Variants in SIK3 observed in about 807,000 individuals in gnomAD.
SIK3 encodes the protein SIK family kinase 3.
A neutral mutation model predicts 144.2 loss-of-function variants in SIK3; 28 were observed. That is an observed-to-expected ratio of 0.19 (90% CI 0.14 to 0.27). The LOEUF is 0.27. Among genes scored for constraint, SIK3 ranks in the 10% least tolerant of loss-of-function variants. The pLI is 1.00. For synonymous variants in SIK3, 686 were observed against 676.3 expected (o/e 1.01, Z -0.22); for missense variants, 1,319 against 1,776.0 (o/e 0.74, Z 4.62).
rs1337425706 is a variant in SIK3, at chr11:116,844,452, C to T, written c.*1191G>A. 6.6e-6 allele frequency: 1 copy of T among 150,474 alleles called. No individual in the cohort carries two copies. The highest frequency in any genetic ancestry group is 1.5e-5 in the Non-Finnish European group (1 of 67,718). The allele number at this position is 150,474 out of a possible 1,614,324, so 9.3% of individuals were successfully genotyped here. A position where few individuals can be genotyped will look rare whatever the true frequency, so the allele number is the denominator to read the frequency against. The stretch of plus-strand genomic sequence containing the variant: ...TATCAACATTTACCAAAAACAATTT[C>T]TACATGATCAAGAATTAAAATATAG... On this transcript the variant is annotated 3_prime_UTR_variant, in exon 25 of 25. Transcript: ENST00000445177.
chr11:117,020,954 C>T (rs1368938543), intron 1 of SIK3, among the ~76,000 whole-genome samples: 1 of 152,216 alleles, frequency 6.6e-6, no homozygotes, highest in African/African-American at 2.4e-5. Context: ...GTGACTGGCA[C>T]TGAAGACTGG....
At chr11:116,857,675 C>T in intron 21 of SIK3, 135 bp downstream of exon 21, 1 of 1,425,326 alleles carries the variant, frequency 7.0e-7, no homozygotes. Flanking sequence ...ACATGCTTCT[C>T]CCCAAGAAGG....
At chr11:116,989,440 G>C (rs73594118) in intron 1 of SIK3, among the ~76,000 whole-genome samples, 2,752 of 152,184 alleles carry the variant, frequency 0.018, 80 homozygotes, top group African/African-American at 0.062. Flanking sequence ...GCAAAATGTT[G>C]CTGGCTCAAC....
chr11:117,073,113 A>G (rs1033629424), intron 1 of SIK3, among the ~76,000 whole-genome samples: 1 of 152,242 alleles, frequency 6.6e-6, no homozygotes, highest in Non-Finnish European at 1.5e-5. Flanking sequence ...TAATCTCAAT[A>G]TAGAAGGACT....
chr11:117,071,173 T>C (rs1954260737), intron 1 of SIK3, among the ~76,000 whole-genome samples: 1 of 145,198 alleles, frequency 6.9e-6, no homozygotes, highest in Non-Finnish European at 1.5e-5. Context: ...TCAAAACCTT[T>C]GGGCTCAGTA....
chr11:116,954,525 G>A (rs1055412558), intron 2 of SIK3, among the ~76,000 whole-genome samples: 1 of 151,162 alleles, frequency 6.6e-6, no homozygotes, highest in African/African-American at 2.4e-5. Flanking sequence ...AAAATAATGG[G>A]AGTCACATAA....
intron 1 of SIK3, among the ~76,000 whole-genome samples, chr11:117,074,456 A>G (rs1311274476): frequency 6.6e-6 from 1 of 152,136 alleles, no homozygotes; most frequent in African/African-American, 2.4e-5. Flanking sequence ...GAAGTGATAA[A>G]ATGTTGTACT....
chr11:117,057,506 G>A (rs565459410), intron 1 of SIK3, among the ~76,000 whole-genome samples: 3 of 152,168 alleles, frequency 2.0e-5, no homozygotes, highest in Admixed American at 2.0e-4. Context: ...TCATTCAATA[G>A]GAACAAGTAC....
chr11:116,963,982 C>T (rs796447173), intron 1 of SIK3, among the ~76,000 whole-genome samples: 2 of 152,124 alleles, frequency 1.3e-5, no homozygotes, highest in Admixed American at 1.3e-4. Context: ...TAATAACGTG[C>T]CACATGACCA....
chr11:117,085,949 G>A (rs61903418), intron 1 of SIK3, among the ~76,000 whole-genome samples: 25,013 of 152,064 alleles, frequency 0.16, 2,191 homozygotes, highest in Admixed American at 0.21. Flanking sequence ...GCAAGACTCC[G>A]TCTACATAAA....
intron 1 of SIK3, among the ~76,000 whole-genome samples, chr11:117,045,674 G>A (rs574647530): frequency 1.3e-5 from 2 of 152,156 alleles, no homozygotes; most frequent in Non-Finnish European, 2.9e-5. Context: ...AAAGGGCAGT[G>A]GTGAGACCCA....
chr11:116,848,984 G>A lies in SIK3; in HGVS notation c.3819+136C>T. On this transcript the variant is annotated intron_variant, in intron 22 of 24. Transcript: ENST00000445177. ...TCTCAAAAAAGAAAAAAAAAGAAAT[G>A]CTCCCCACCGTTTCCAGAAAGGCTG... The A allele has an allele frequency of 3.0e-6, 3 of 1,005,012 alleles. No individual in the cohort carries two copies. The South Asian group carries it at 7.0e-5, about 24-fold the overall frequency. The allele number at this position is 1,005,012 out of a possible 1,614,324, so 62.3% of individuals were successfully genotyped here.
At chr11:116,982,693 C>T (rs1435345879) in intron 1 of SIK3, among the ~76,000 whole-genome samples, 1 of 150,978 alleles carries the variant, frequency 6.6e-6, no homozygotes, top group Non-Finnish European at 1.5e-5. Flanking sequence ...AGCTGGCTCA[C>T]ACCTGTAATC....
intron 1 of SIK3, among the ~76,000 whole-genome samples, chr11:117,086,229 G>C (rs1345738086): frequency 6.6e-6 from 1 of 152,138 alleles, no homozygotes; most frequent in Non-Finnish European, 1.5e-5. Flanking sequence ...AATGCACACA[G>C]CAAATTTAAA....
intron 1 of SIK3, among the ~76,000 whole-genome samples, chr11:116,993,905 C>T (rs1950575729): frequency 6.6e-6 from 1 of 152,202 alleles, no homozygotes; most frequent in Non-Finnish European, 1.5e-5. Flanking sequence ...GGCACACAGA[C>T]ATCAGGAGGA....
intron 13 of SIK3, among the ~76,000 whole-genome samples, chr11:116,870,699 C>A (rs1943923857): frequency 6.6e-6 from 1 of 152,110 alleles, no homozygotes; most frequent in African/African-American, 2.4e-5. Flanking sequence ...ATAGACCTTG[C>A]CCTCATTTTA....
At chr11:117,010,333 G>A (rs1311789576) in intron 1 of SIK3, among the ~76,000 whole-genome samples, 1 of 152,168 alleles carries the variant, frequency 6.6e-6, no homozygotes, top group Non-Finnish European at 1.5e-5. Flanking sequence ...CAATGGGTGG[G>A]GTGGGCAGAA....
chr11:116,950,966 G>A (rs1360678989), intron 3 of SIK3, among the ~76,000 whole-genome samples: 2 of 152,180 alleles, frequency 1.3e-5, no homozygotes, highest in Non-Finnish European at 2.9e-5. Context: ...ACTTGTTTCA[G>A]CAAGCAAGGC....
intron 4 of SIK3, among the ~76,000 whole-genome samples, chr11:116,899,518 T>A (rs1466967480): frequency 1.3e-5 from 2 of 152,248 alleles, no homozygotes; most frequent in Non-Finnish European, 2.9e-5. Flanking sequence ...GACATTATTA[T>A]AATTAAGTAG....
Sources: allele counts gnomAD v4.1 joint callset (sites outside exome capture counted in the v4.1 genomes callset), GRCh38; gene constraint gnomAD v4.1.1; transcripts MANE v1.5; gene names NCBI Gene and HGNC (gene_info 2026-07-23, HGNC 2026-07-21).